HDAC1: variants seen among roughly 807,000 people sequenced by gnomAD.
HDAC1 encodes the protein protein deacetylase HDAC1.
HDAC1 carries 18 observed loss-of-function variants against 65.5 expected under a neutral mutation model. The ratio of observed to expected loss-of-function variants is 0.27; its 90% CI spans 0.19 to 0.41. The LOEUF (loss-of-function observed/expected upper bound fraction) is 0.41, where lower values mean the gene tolerates loss of function less well. HDAC1 is among the 10% of genes least tolerant of loss of function. HDAC1 has a pLI of 1.00. For missense variants in HDAC1, 373 were observed against 625.2 expected (o/e 0.60, Z 4.30); for synonymous variants, 211 against 227.9 (o/e 0.93, Z 0.67).
intron 4 of HDAC1, among the ~76,000 whole-genome samples, chr1:32,324,898 T>A (rs1641197398): frequency 6.6e-6 from 1 of 152,018 alleles, no homozygotes. Flanking sequence ...CCCAGTAGGT[T>A]GAGGCTGCAG....
intron 3 of HDAC1, among the ~76,000 whole-genome samples, chr1:32,318,666 A>G (rs1281223376): frequency 6.6e-6 from 1 of 152,034 alleles, no homozygotes; most frequent in African/African-American, 2.4e-5. Flanking sequence ...TGCTTTTGCT[A>G]TTTTTGCTAT....
chr1:32,307,369 CA>C (rs1385210728), intron 2 of HDAC1, among the ~76,000 whole-genome samples: 3 of 152,172 alleles, frequency 2.0e-5, no homozygotes, highest in Non-Finnish European at 2.9e-5. Flanking sequence ...AAGCACAGCA[CA>C]GCTTCTCTTT....
At chr1:32,300,171 T>C (rs533845429) in intron 1 of HDAC1, among the ~76,000 whole-genome samples, 1 of 152,340 alleles carries the variant, frequency 6.6e-6, no homozygotes, top group South Asian at 2.1e-4. Flanking sequence ...GGCACTTAAC[T>C]TCTCTGAGTC....
At chr1:32,313,446 A>G (rs150779138) in intron 2 of HDAC1, among the ~76,000 whole-genome samples, 124 of 152,310 alleles carry the variant, frequency 8.1e-4, no homozygotes, top group East Asian at 2.7e-3. Context: ...TATGTTGTCC[A>G]GGCTAGCCTT....
In HDAC1 at chr1:32,332,087, C is replaced by T. The variant is rs762176072; in HGVS notation, c.1220-3C>T. ...CTCACCCATGCTTCCCACTCCCTCC[C>T]AGTCTGCTCCTCTGACAAACGAATT... On this transcript the variant is annotated splice_polypyrimidine_tract_variant and splice_region_variant and intron_variant, in intron 11 of 13. Coordinates refer to ENST00000373548, the MANE Select transcript of HDAC1 (RefSeq NM_004964.3). 1.3e-6 allele frequency: 2 copies of T among 1,590,630 alleles called. No individual in the cohort carries two copies. Among genetic ancestry groups the T allele is most frequent in the Non-Finnish European group, 1.7e-6 (2 of 1,169,400 alleles).
chr1:32,324,448 G>A (rs759046444), intron 3 of HDAC1, 31 bp from the exon 4 acceptor site: 1 of 1,493,582 alleles, frequency 6.7e-7, no homozygotes, highest in South Asian at 1.1e-5. Context: ...AGGAAATTGT[G>A]GAAACTAACC....
intron 4 of HDAC1, among the ~76,000 whole-genome samples, chr1:32,326,104 G>A (rs1201199359): frequency 6.6e-6 from 1 of 152,042 alleles, no homozygotes. Flanking sequence ...CTTCTTCTGG[G>A]ACCTATTCGT....
intron 2 of HDAC1, among the ~76,000 whole-genome samples, chr1:32,313,910 C>T (rs929826690): frequency 2.0e-5 from 3 of 152,056 alleles, no homozygotes; most frequent in African/African-American, 4.8e-5. Flanking sequence ...TGTTGAGCTG[C>T]GGGACAGGCT....
At position 32,302,671 on chromosome 1, in the gene HDAC1, C is replaced by A. The variant is rs765881646; in HGVS notation, c.100C>A (p.Arg34=). Residue 34 remains arginine, a synonymous_variant, in exon 2 of 14, where the codon CGA becomes AGA. Coordinates refer to ENST00000373548, the MANE Select transcript of HDAC1 (RefSeq NM_004964.3). ...ACAAGGCCACCCAATGAAGCCTCAC[C>A]GAATCCGCATGACTCATAATTTGCT... The part of the protein sequence containing the change: ...YGQGHPMKPH[R]IRMTHNLLLN... 2 of 1,608,748 alleles carry A rather than the reference C, an allele frequency of 1.2e-6. No individual in the cohort carries two copies. The highest frequency in any genetic ancestry group is 1.7e-5 in the Admixed American group (1 of 59,990).
At chr1:32,326,772 A>T (rs908826625) in intron 4 of HDAC1, among the ~76,000 whole-genome samples, 167 bp from the exon 5 acceptor site, 1 of 133,680 alleles carries the variant, frequency 7.5e-6, no homozygotes, top group African/African-American at 2.7e-5. Flanking sequence ...AGACAGTATC[A>T]TGTATTCCCT....
intron 12 of HDAC1, among the ~76,000 whole-genome samples, 172 bp from the exon 13 acceptor site, chr1:32,332,529 A>T (rs982355418): frequency 6.6e-6 from 1 of 152,192 alleles, no homozygotes; most frequent in African/African-American, 2.4e-5. Context: ...CAGGCTGGGA[A>T]ACCAGTCCAA....
chr1:32,304,509 C>T (rs976850742), intron 2 of HDAC1, among the ~76,000 whole-genome samples: 1 of 152,094 alleles, frequency 6.6e-6, no homozygotes, highest in East Asian at 1.9e-4. Context: ...AGTTATCTTC[C>T]CACATCAACC....
chr1:32,300,275 T>C (rs189483551), intron 1 of HDAC1, among the ~76,000 whole-genome samples: 112 of 152,012 alleles, frequency 7.4e-4, no homozygotes, highest in African/African-American at 2.6e-3. Context: ...GTGGATATAG[T>C]CATGTAAATA....
chr1:32,314,941 G>T (rs1004410231), intron 2 of HDAC1, among the ~76,000 whole-genome samples: 1 of 152,148 alleles, frequency 6.6e-6, no homozygotes, highest in Admixed American at 6.6e-5. Context: ...TATGCTGTAG[G>T]AGCTTAAGTT....
chr1:32,323,260 C>A (rs1170236189), intron 3 of HDAC1, among the ~76,000 whole-genome samples: 2 of 151,858 alleles, frequency 1.3e-5, no homozygotes, highest in African/African-American at 4.8e-5. Flanking sequence ...AAGATCACTT[C>A]ACTATACTCC....
chr1:32,313,667 C>T (rs943461277), intron 2 of HDAC1, among the ~76,000 whole-genome samples: 2 of 152,172 alleles, frequency 1.3e-5, no homozygotes, highest in East Asian at 1.9e-4. Context: ...TTAGTTATAA[C>T]GTTGAGGAGA....
At chr1:32,313,830 G>A (rs1352776020) in intron 2 of HDAC1, among the ~76,000 whole-genome samples, 1 of 152,178 alleles carries the variant, frequency 6.6e-6, no homozygotes, top group Non-Finnish European at 1.5e-5. Context: ...GTCCTAGTCT[G>A]AGCAAGTGTG....
At chr1:32,314,910 G>A (rs970373403) in intron 2 of HDAC1, among the ~76,000 whole-genome samples, 1 of 152,002 alleles carries the variant, frequency 6.6e-6, no homozygotes, top group Non-Finnish European at 1.5e-5. Context: ...TAGAATTTTA[G>A]TGATGTTTTT....
intron 2 of HDAC1, among the ~76,000 whole-genome samples, chr1:32,315,965 A>AAAAC (rs796693358): frequency 4.7e-5 from 7 of 149,704 alleles, no homozygotes; most frequent in African/African-American, 1.7e-4. Flanking sequence ...ACTCCGCCTC[A>AAAAC]AAACAAACAA....
Sources: gnomAD v4.1 joint callset for allele counts (sites outside exome capture counted in the v4.1 genomes callset) on GRCh38, gnomAD v4.1.1 for gene constraint, MANE v1.5 for transcripts, NCBI Gene and HGNC (gene_info 2026-07-23, HGNC 2026-07-21) for gene names.